The following NRXN2 variants were observed in gnomAD, a reference collection of about 807,000 sequenced individuals.
NRXN2 encodes neurexin 2.
NRXN2 carries 29 observed loss-of-function variants against 128.8 expected under a neutral mutation model. The observed-to-expected ratio is 0.23, with a 90% CI of 0.17 to 0.31. The LOEUF is 0.31. NRXN2 is among the 10% of genes least tolerant of loss of function. The pLI, the probability that NRXN2 is intolerant of heterozygous loss-of-function variation, is 1.00. For synonymous variants in NRXN2, 1,098 were observed against 1,075.2 expected (o/e 1.02, Z -0.41); for missense variants, 1,881 against 2,452.6 (o/e 0.77, Z 4.92).
At chr11:64,673,718 G>C (rs1422853655) in intron 7 of NRXN2, among the ~76,000 whole-genome samples, 1 of 152,070 alleles carries the variant, frequency 6.6e-6, no homozygotes, top group African/African-American at 2.4e-5. Context: ...TTTAGAGATA[G>C]GGTGTTTGTT....
intron 17 of NRXN2, among the ~76,000 whole-genome samples, chr11:64,639,941 C>T (rs2045410912): frequency 6.6e-6 from 1 of 152,144 alleles, no homozygotes; most frequent in African/African-American, 2.4e-5. Context: ...TCACCTCTCC[C>T]ACCATGGTTA....
chr11:64,713,966 G>C (rs185388072), intron 1 of NRXN2, 23 bp from the exon 2 acceptor site: 2 of 156,436 alleles, frequency 1.3e-5, no homozygotes, highest in East Asian at 1.9e-4. Context: ...AGAGAGGAAA[G>C]GGTTAATGAG....
chr11:64,614,640 T>G (rs1260648126), intron 22 of NRXN2, among the ~76,000 whole-genome samples: 1 of 152,250 alleles, frequency 6.6e-6, no homozygotes, highest in African/African-American at 2.4e-5. Context: ...CTGGCCTGCC[T>G]GCCTGCTGGA....
intron 2 of NRXN2, among the ~76,000 whole-genome samples, chr11:64,701,736 T>TA (rs77119072): frequency 2.0e-5 from 3 of 151,728 alleles, no homozygotes; most frequent in Middle Eastern, 3.2e-3. Context: ...AGACTTTGCC[T>TA]AAAAAAAAGA....
chr11:64,626,511 T>G lies in NRXN2; in HGVS notation c.3799A>C (p.Ile1267Leu). Residue 1267 changes from isoleucine to leucine, a missense_variant, in exon 20 of 23, where the codon ATC becomes CTC. Physicochemically the swap from Ile to Leu is conservative, Grantham distance 5. Transcript: ENST00000265459. ...NERLAIARQR[I>L]PYRLGRVVDE... is the part of the protein sequence containing the mutation. Reference sequence around the variant, plus strand: ...ACTACTCGACCAAGCCGGTAGGGGATTCTCTGTCTAGCAATCGCCAGGCGC... The same window carrying G: ...ACTACTCGACCAAGCCGGTAGGGGAGTCTCTGTCTAGCAATCGCCAGGCGC... 1 of 1,614,148 alleles carries G rather than the reference T, an allele frequency of 6.2e-7. No individual in the cohort carries two copies. The highest frequency in any genetic ancestry group is 8.5e-7 in the Non-Finnish European group (1 of 1,179,996).
At chr11:64,673,795 T>C (rs1168320443) in intron 7 of NRXN2, among the ~76,000 whole-genome samples, 1 of 152,092 alleles carries the variant, frequency 6.6e-6, no homozygotes, top group Non-Finnish European at 1.5e-5. Flanking sequence ...TCCTAACACT[T>C]TGGGAAGCCA....
At chr11:64,717,089 C>T (rs2057325654) in intron 1 of NRXN2, among the ~76,000 whole-genome samples, 1 of 152,138 alleles carries the variant, frequency 6.6e-6, no homozygotes, top group African/African-American at 2.4e-5. Flanking sequence ...CAGAGGTCTC[C>T]CCACAGGCCA....
chr11:64,652,668 A>C (rs1332809035), intron 12 of NRXN2, among the ~76,000 whole-genome samples: 1 of 152,166 alleles, frequency 6.6e-6, no homozygotes, highest in Non-Finnish European at 1.5e-5. Context: ...TGTTACACAG[A>C]CACCAGCTCC....
At chr11:64,611,486 C>G (rs1379873810) in intron 22 of NRXN2, among the ~76,000 whole-genome samples, 2 of 152,234 alleles carry the variant, frequency 1.3e-5, no homozygotes, top group East Asian at 3.8e-4. Context: ...GACCAGGAGG[C>G]CCTTGCTGAG....
intron 9 of NRXN2, among the ~76,000 whole-genome samples, chr11:64,666,649 C>T (rs1212296210): frequency 6.6e-6 from 1 of 151,468 alleles, no homozygotes; most frequent in Non-Finnish European, 1.5e-5. Flanking sequence ...CTGCAAGCTC[C>T]GCCTCCCAGG....
intron 9 of NRXN2, among the ~76,000 whole-genome samples, chr11:64,661,868 A>G (rs912194818): frequency 6.6e-6 from 1 of 152,158 alleles, no homozygotes; most frequent in Non-Finnish European, 1.5e-5. Flanking sequence ...AAGGTGCACA[A>G]GCAGATTGGC....
chr11:64,702,359 G>C (rs1278161661), intron 2 of NRXN2, among the ~76,000 whole-genome samples: 1 of 152,086 alleles, frequency 6.6e-6, no homozygotes, highest in African/African-American at 2.4e-5. Flanking sequence ...AGAATAGAAA[G>C]GGGGGAAAGG....
At chr11:64,650,303 G>T in intron 15 of NRXN2, 145 bp downstream of exon 15, 1 of 817,734 alleles carries the variant, frequency 1.2e-6, no homozygotes, top group Non-Finnish European at 2.1e-6. Context: ...AAGATGTCAG[G>T]CTGGACATAG....
chr11:64,712,573 C>T, intron 2 of NRXN2: 1 of 375,836 alleles, frequency 2.7e-6, no homozygotes, highest in South Asian at 2.0e-5. Flanking sequence ...CCATGGTCCC[C>T]GCCCACTGCC....
intron 9 of NRXN2, among the ~76,000 whole-genome samples, chr11:64,666,024 G>C (rs1007251114): frequency 1.2e-4 from 19 of 152,112 alleles, no homozygotes; most frequent in African/African-American, 4.6e-4. Flanking sequence ...AGCCCTCACT[G>C]CTAGGTAGGG....
chr11:64,677,110 A>C, intron 6 of NRXN2, 73 bp from the exon 7 acceptor site: 1 of 1,053,932 alleles, frequency 9.5e-7, no homozygotes, highest in Non-Finnish European at 1.4e-6. Context: ...CAACAAAAGA[A>C]CAGAATGAAA....
intron 7 of NRXN2, chr11:64,675,415 C>A (rs2051170270): frequency 6.6e-6 from 1 of 152,236 alleles, no homozygotes; most frequent in South Asian, 2.1e-4. Context: ...GTGGGAGAGA[C>A]ACTCAGATTG....
At chr11:64,618,903 G>A (rs2135309686) in intron 22 of NRXN2, among the ~76,000 whole-genome samples, 1 of 152,284 alleles carries the variant, frequency 6.6e-6, no homozygotes, top group East Asian at 1.9e-4. Context: ...CTGGGCTTTA[G>A]CCTCTGGGTC....
chr11:64,685,568 C>G, intron 6 of NRXN2, 78 bp downstream of exon 6: 1 of 1,585,748 alleles, frequency 6.3e-7, no homozygotes. Context: ...CCACCACAAG[C>G]TCCCGGCAGC....
Sources: allele counts gnomAD v4.1 joint callset (sites outside exome capture counted in the v4.1 genomes callset), GRCh38; gene constraint gnomAD v4.1.1; transcripts MANE v1.5; gene names NCBI Gene and HGNC (gene_info 2026-07-23, HGNC 2026-07-21).